GPATCH2L: variants seen among roughly 807,000 people sequenced by gnomAD.
GPATCH2L encodes the protein G patch domain-containing protein 2-like.
GPATCH2L carries 31 observed loss-of-function variants against 57.4 expected under a neutral mutation model. The observed-to-expected ratio is 0.54, with a 90% CI of 0.41 to 0.73. The LOEUF (loss-of-function observed/expected upper bound fraction) is 0.73. GPATCH2L is among the 30% of genes least tolerant of loss of function. The pLI is 0.00. For synonymous variants in GPATCH2L, 199 were observed against 210.7 expected (o/e 0.94, Z 0.48); for missense variants, 481 against 599.9 (o/e 0.80, Z 2.07).
At chr14:76,173,419 C>A in intron 4 of GPATCH2L, 127 bp from the exon 5 acceptor site, 1 of 601,258 alleles carries the variant, frequency 1.7e-6, no homozygotes, top group South Asian at 2.3e-5. Flanking sequence ...TGGCAAATAG[C>A]TCTGTGATGC....
In GPATCH2L at chr14:76,209,077, G is replaced by C. The variant is rs1251102476; in HGVS notation, c.*7226G>C. The C allele has an allele frequency of 6.6e-6, 1 of 152,168 alleles. No homozygotes were observed. The highest frequency in any genetic ancestry group is 1.5e-5 in the Non-Finnish European group (1 of 68,036). 9.4% of individuals were successfully genotyped at this position (152,168 alleles called of 1,614,324 possible). The stretch of plus-strand genomic sequence containing the variant: ...CAGTGACTTCTACTATTAAAATTTA[G>C]CCCATAGGTTGATTTTTATGACACT... On this transcript the variant is annotated 3_prime_UTR_variant, in exon 10 of 10. Transcript: ENST00000261530.
chr14:76,230,898 G>A (rs1448898119), intron 2 of GPATCH2L, among the ~76,000 whole-genome samples: 3 of 152,174 alleles, frequency 2.0e-5, no homozygotes, highest in African/African-American at 7.2e-5. Flanking sequence ...TGACAGAAGC[G>A]ACAAGTAAAT....
At chr14:76,168,043 G>A (rs779119542) in intron 3 of GPATCH2L, among the ~76,000 whole-genome samples, 2 of 152,208 alleles carry the variant, frequency 1.3e-5, no homozygotes, top group Non-Finnish European at 2.9e-5. Context: ...ATTATAGAAT[G>A]TTCTGTACAC....
intron 2 of GPATCH2L, among the ~76,000 whole-genome samples, chr14:76,232,116 T>C (rs2040574691): frequency 8.2e-6 from 1 of 121,590 alleles, no homozygotes; most frequent in Admixed American, 9.1e-5. Flanking sequence ...CTCACCATAT[T>C]GCCTAGGCTG....
At chr14:76,201,555 G>A (rs966118285) in intron 9 of GPATCH2L, 136 bp from the exon 10 acceptor site, 53 of 480,898 alleles carry the variant, frequency 1.1e-4, no homozygotes, top group African/African-American at 7.6e-4. Context: ...GATACCTTAC[G>A]TGGCCACTTG....
intron 6 of GPATCH2L, among the ~76,000 whole-genome samples, chr14:76,177,113 A>G (rs1465545584): frequency 6.6e-6 from 1 of 152,046 alleles, no homozygotes; most frequent in African/African-American, 2.4e-5. Context: ...TGGCAGAGTC[A>G]TGGCTCACTG....
chr14:76,218,446 AATG>A (rs1173465167), downstream of GPATCH2L, among the ~76,000 whole-genome samples: 1 of 152,122 alleles, frequency 6.6e-6, no homozygotes, highest in Non-Finnish European at 1.5e-5. Context: ...ACAAAACATA[AATG>A]ATAACATAGG....
At chr14:76,162,163 C>T (rs1187176615) in intron 2 of GPATCH2L, among the ~76,000 whole-genome samples, 2 of 152,184 alleles carry the variant, frequency 1.3e-5, no homozygotes, top group African/African-American at 4.8e-5. Flanking sequence ...TAACTGTTGG[C>T]AGGGACCTCA....
intron 9 of GPATCH2L, among the ~76,000 whole-genome samples, chr14:76,197,638 C>T (rs1465219422): frequency 2.0e-5 from 3 of 152,126 alleles, no homozygotes; most frequent in Non-Finnish European, 4.4e-5. Flanking sequence ...TGCCTAACAT[C>T]GGGCCATCTC....
downstream of GPATCH2L, among the ~76,000 whole-genome samples, chr14:76,216,337 G>A (rs1486574591): frequency 6.6e-6 from 1 of 152,132 alleles, no homozygotes; most frequent in Non-Finnish European, 1.5e-5. Context: ...ACTGCATGAG[G>A]AAATTTAATT....
Position 76,208,915 on chromosome 14 carries a change from C to G in GPATCH2L, c.*7064C>G, listed in dbSNP as rs2040409947. ...CCTAATTCCTGGACTGGACCACAGA[C>G]CAGTTAAATCAGCATGGGGAGGTGG... is the stretch of plus-strand genomic sequence containing the variant. On this transcript the variant is annotated 3_prime_UTR_variant, in exon 10 of 10. Coordinates refer to ENST00000261530, the MANE Select transcript of GPATCH2L (RefSeq NM_017926.4). 2 of 152,104 alleles carry G rather than the reference C, an allele frequency of 1.3e-5. No homozygotes were observed. The highest frequency in any genetic ancestry group is 4.1e-4 in the South Asian group (2 of 4,820). 9.4% of individuals were successfully genotyped at this position (152,104 alleles called of 1,614,324 possible).
At chr14:76,185,344 G>C (rs975424706) in intron 8 of GPATCH2L, among the ~76,000 whole-genome samples, 5 of 152,216 alleles carry the variant, frequency 3.3e-5, no homozygotes, top group African/African-American at 1.2e-4. Flanking sequence ...CAGTGGTATT[G>C]TTAAGGGCAC....
At chr14:76,194,416 C>T (rs1004977348) in intron 8 of GPATCH2L, among the ~76,000 whole-genome samples, 1 of 151,934 alleles carries the variant, frequency 6.6e-6, no homozygotes, top group Admixed American at 6.6e-5. Flanking sequence ...GGATTTTAGT[C>T]AAATTCTTAT....
At chr14:76,199,935 A>G (rs965623352) in intron 9 of GPATCH2L, among the ~76,000 whole-genome samples, 5 of 152,222 alleles carry the variant, frequency 3.3e-5, no homozygotes, top group African/African-American at 1.2e-4. Flanking sequence ...TTGCTGGATG[A>G]ATGGATGAAC....
At chr14:76,196,948 G>A (rs2040171657) in intron 9 of GPATCH2L, among the ~76,000 whole-genome samples, 1 of 152,098 alleles carries the variant, frequency 6.6e-6, no homozygotes, top group South Asian at 2.1e-4. Context: ...TTCATTACAG[G>A]TCTGATGATT....
intron 1 of GPATCH2L, among the ~76,000 whole-genome samples, chr14:76,226,255 A>T (rs2040535866): frequency 1.3e-5 from 2 of 152,230 alleles, no homozygotes; most frequent in South Asian, 4.1e-4. Flanking sequence ...ATATTCATAG[A>T]ATAGAACACT....
At chr14:76,221,958 G>GT (rs748999908) in intron 1 of GPATCH2L, among the ~76,000 whole-genome samples, 2 of 152,154 alleles carry the variant, frequency 1.3e-5, no homozygotes, top group Non-Finnish European at 2.9e-5. Context: ...GAACATTAGT[G>GT]TATCAACTAT....
At chr14:76,158,470 G>T (rs2038415692) in intron 2 of GPATCH2L, among the ~76,000 whole-genome samples, 1 of 152,214 alleles carries the variant, frequency 6.6e-6, no homozygotes, top group Non-Finnish European at 1.5e-5. Context: ...TTATGAGTGT[G>T]CTTTGCTCCA....
chr14:76,182,616 G>T (rs1477940913), intron 8 of GPATCH2L, among the ~76,000 whole-genome samples: 1 of 149,920 alleles, frequency 6.7e-6, no homozygotes, highest in African/African-American at 2.4e-5. Flanking sequence ...AGAAAAGAAT[G>T]TGGAAAATTG....
Sources: gnomAD v4.1 joint callset for allele counts (sites outside exome capture counted in the v4.1 genomes callset) on GRCh38, gnomAD v4.1.1 for gene constraint, MANE v1.5 for transcripts, NCBI Gene and HGNC (gene_info 2026-07-23, HGNC 2026-07-21) for gene names.